GALNT13: variants seen among roughly 807,000 people sequenced by gnomAD.
The protein encoded by GALNT13 is UDP-GalNAc:polypeptide N-acetylgalactosaminyltransferase 13.
GALNT13 carries 28 observed loss-of-function variants against 64.2 expected under a neutral mutation model. That is an observed-to-expected ratio of 0.44 (90% CI 0.32 to 0.60). The LOEUF is 0.60. GALNT13 is among the 20% of genes least tolerant of loss of function. GALNT13 has a pLI of 0.05. For missense variants in GALNT13, 577 were observed against 669.8 expected (o/e 0.86, Z 1.53); for synonymous variants, 214 against 224.6 (o/e 0.95, Z 0.42).
intron 9 of GALNT13, among the ~76,000 whole-genome samples, chr2:154,315,663 T>C (rs186594736): frequency 1.2e-4 from 18 of 152,336 alleles, no homozygotes; most frequent in African/African-American, 4.3e-4. Context: ...AAAATGTTTA[T>C]GTTTTAATTA....
chr2:154,375,611 A>G (rs1697946166), intron 9 of GALNT13, among the ~76,000 whole-genome samples: 1 of 152,170 alleles, frequency 6.6e-6, no homozygotes, highest in Non-Finnish European at 1.5e-5. Context: ...CGCAGCCACC[A>G]AGAGACTAGC....
chr2:153,256,537 G>A, the GALNT13 span, among the ~76,000 whole-genome samples: 1 of 152,198 alleles, frequency 6.6e-6, no homozygotes, highest in African/African-American at 2.4e-5. Context: ...GAGGAGGAGA[G>A]GCGCTCTGCT....
At chr2:153,997,786 C>G (rs1695620888) in intron 3 of GALNT13, among the ~76,000 whole-genome samples, 1 of 152,084 alleles carries the variant, frequency 6.6e-6, no homozygotes, top group Non-Finnish European at 1.5e-5. Context: ...AATGCTATCC[C>G]TTCCCTAGCC....
At chr2:154,006,217 T>C (rs1451067933) in intron 3 of GALNT13, among the ~76,000 whole-genome samples, 3 of 152,212 alleles carry the variant, frequency 2.0e-5, no homozygotes, top group Non-Finnish European at 4.4e-5. Flanking sequence ...TATTAATGAT[T>C]AGTTATCAAG....
chr2:153,176,773 A>T, the GALNT13 span, among the ~76,000 whole-genome samples: 1 of 110,138 alleles, frequency 9.1e-6, no homozygotes, highest in Non-Finnish European at 2.2e-5. Flanking sequence ...CTGAGTTTAA[A>T]AAAAAAAAAA....
intron 4 of GALNT13, among the ~76,000 whole-genome samples, chr2:154,197,029 T>A (rs541107616): frequency 6.6e-6 from 1 of 152,342 alleles, no homozygotes; most frequent in Non-Finnish European, 1.5e-5. Flanking sequence ...TGAAAGCCTT[T>A]TCGATGTTCA....
At chr2:154,048,817 G>A (rs1699418921) in intron 3 of GALNT13, among the ~76,000 whole-genome samples, 2 of 151,984 alleles carry the variant, frequency 1.3e-5, no homozygotes, top group South Asian at 2.1e-4. Flanking sequence ...ATTAGAATTG[G>A]GAGTAGGAGG....
At chr2:154,213,572 A>C (rs943279230) in intron 4 of GALNT13, among the ~76,000 whole-genome samples, 1 of 152,076 alleles carries the variant, frequency 6.6e-6, no homozygotes, top group African/African-American at 2.4e-5. Flanking sequence ...ATGGGTATGA[A>C]GAATGAGTAA....
the GALNT13 span, among the ~76,000 whole-genome samples, chr2:153,429,636 A>G: frequency 6.6e-6 from 1 of 152,204 alleles, no homozygotes; most frequent in African/African-American, 2.4e-5. Flanking sequence ...TAAAAATTCC[A>G]GAGCAAAATT....
the GALNT13 span, among the ~76,000 whole-genome samples, chr2:153,069,746 T>C: frequency 1.1e-4 from 16 of 152,258 alleles, no homozygotes; most frequent in Non-Finnish European, 1.8e-4. Context: ...AAATGGGTTA[T>C]TTTCTCTTTT....
intron 3 of GALNT13, among the ~76,000 whole-genome samples, chr2:153,994,819 C>G (rs543432378): frequency 2.0e-5 from 3 of 152,076 alleles, no homozygotes; most frequent in African/African-American, 7.2e-5. Flanking sequence ...TGGATACTAG[C>G]TTTTTTTCAG....
the GALNT13 span, among the ~76,000 whole-genome samples, chr2:153,708,774 T>G: frequency 6.6e-6 from 1 of 152,164 alleles, no homozygotes; most frequent in Non-Finnish European, 1.5e-5. Context: ...AACAGCATGG[T>G]ACTGCTGTTT....
chr2:153,155,313 T>A, the GALNT13 span, among the ~76,000 whole-genome samples: 1 of 152,212 alleles, frequency 6.6e-6, no homozygotes. Flanking sequence ...TTCTTCTTTG[T>A]ACTTCTGGTA....
At chr2:153,473,893 CTGAA>C in the GALNT13 span, among the ~76,000 whole-genome samples, 1 of 152,176 alleles carries the variant, frequency 6.6e-6, no homozygotes, top group Non-Finnish European at 1.5e-5. Flanking sequence ...GCATATTAGT[CTGAA>C]TGCGTACCTA....
At chr2:154,203,768 A>G (rs973952048) in intron 4 of GALNT13, among the ~76,000 whole-genome samples, 21 of 152,172 alleles carry the variant, frequency 1.4e-4, no homozygotes, top group Admixed American at 1.2e-3. Flanking sequence ...ATCCAGCTCT[A>G]TAATGTAGCC....
chr2:153,778,115 AGTGTGCTCCTATGCCG>A, the GALNT13 span, among the ~76,000 whole-genome samples: 4 of 152,056 alleles, frequency 2.6e-5, no homozygotes, highest in Non-Finnish European at 4.4e-5. Context: ...CTGGCATGCC[AGTGTGCTCCTATGCCG>A]GTGTGCTCCT....
chr2:154,136,600 A>C (rs181168576), intron 3 of GALNT13, among the ~76,000 whole-genome samples: 1 of 152,114 alleles, frequency 6.6e-6, no homozygotes, highest in Non-Finnish European at 1.5e-5. Context: ...CTTCTTTAAC[A>C]CTGGGAATTC....
At chr2:153,702,725 T>C in the GALNT13 span, among the ~76,000 whole-genome samples, 2 of 152,086 alleles carry the variant, frequency 1.3e-5, no homozygotes, top group African/African-American at 2.4e-5. Context: ...GGAGAGTGGA[T>C]ATTAAAAGCT....
At chr2:153,191,279 T>C in the GALNT13 span, among the ~76,000 whole-genome samples, 1 of 152,116 alleles carries the variant, frequency 6.6e-6, no homozygotes, top group Non-Finnish European at 1.5e-5. Flanking sequence ...GTATTTATCA[T>C]GAAGTGATGT....
Sources: gnomAD v4.1 joint callset for allele counts (sites outside exome capture counted in the v4.1 genomes callset) on GRCh38, gnomAD v4.1.1 for gene constraint, MANE v1.5 for transcripts, NCBI Gene and HGNC (gene_info 2026-07-23, HGNC 2026-07-21) for gene names.